NCAM1: variants seen among roughly 807,000 people sequenced by gnomAD.
NCAM1 encodes the protein neural cell adhesion molecule 1, also known as antigen recognized by monoclonal antibody 5.1H11.
A neutral mutation model predicts 109.8 loss-of-function variants in NCAM1; 14 were observed. The observed-to-expected ratio is 0.13, with a 90% CI of 0.08 to 0.20. The LOEUF (loss-of-function observed/expected upper bound fraction) is 0.20. NCAM1 is among the 10% of genes least tolerant of loss of function. The probability of loss-of-function intolerance (pLI) is 1.00; values close to 1 mark genes in which losing one functional copy is unlikely to be tolerated. For missense variants in NCAM1, 774 were observed against 1,109.9 expected, an observed-to-expected ratio of 0.70 and a Z score of 4.30; for synonymous variants, 418 against 442.9, an observed-to-expected ratio of 0.94 and a Z score of 0.70.
At chr11:113,140,170 CACA>C (rs1404548112) in intron 1 of NCAM1, among the ~76,000 whole-genome samples, 1 of 152,212 alleles carries the variant, frequency 6.6e-6, no homozygotes, top group Non-Finnish European at 1.5e-5. Context: ...CTGCCATGTA[CACA>C]ACAAGCTGAG....
chr11:113,201,444 C>T (rs552378936), intron 1 of NCAM1, among the ~76,000 whole-genome samples: 1 of 152,258 alleles, frequency 6.6e-6, no homozygotes, highest in South Asian at 2.1e-4. Context: ...ACCTGTTTGC[C>T]TTTAGATTTG....
intron 1 of NCAM1, among the ~76,000 whole-genome samples, chr11:113,162,814 T>C (rs1942645508): frequency 6.6e-6 from 1 of 152,142 alleles, no homozygotes; most frequent in Admixed American, 6.5e-5. Flanking sequence ...AGACGCGATC[T>C]CATTAACGAT....
At chr11:113,094,285 G>A (rs575222041) in intron 1 of NCAM1, among the ~76,000 whole-genome samples, 4 of 152,248 alleles carry the variant, frequency 2.6e-5, no homozygotes, top group East Asian at 3.9e-4. Flanking sequence ...ACATTCTATC[G>A]TTTGGCACCA....
rs116863221 is a variant in NCAM1, at chr11:112,970,169, C to T, written c.52+8505C>T. 2.2e-3 allele frequency among the ~76,000 whole-genome samples: 341 copies of T among 152,156 alleles called. 3 individuals carry two copies. Among genetic ancestry groups the T allele is most frequent in the Middle Eastern group, 0.01 (3 of 294 alleles). On this transcript the variant is annotated intron_variant, in intron 1 of 19. Transcript: ENST00000316851. Reference sequence around the variant, plus strand: ...AAATGTCAGACAAAGGAGAGGAGTCCTGCTGGAGATGACAGAGAAATTAAA... The same window carrying T: ...AAATGTCAGACAAAGGAGAGGAGTCTTGCTGGAGATGACAGAGAAATTAAA...
intron 1 of NCAM1, chr11:112,977,492 A>T (rs1591206723): frequency 6.6e-6 from 1 of 151,976 alleles, no homozygotes; most frequent in Non-Finnish European, 1.5e-5. Flanking sequence ...ATGCCAGAAA[A>T]TCATTCACTA....
At chr11:113,031,351 C>T (rs568615098) in intron 1 of NCAM1, among the ~76,000 whole-genome samples, 12 of 152,210 alleles carry the variant, frequency 7.9e-5, no homozygotes, top group Admixed American at 2.6e-4. Context: ...TTTTAAACAG[C>T]GACATCACCG....
chr11:113,218,944 A>G (rs1349285795), intron 8 of NCAM1, among the ~76,000 whole-genome samples: 4 of 152,222 alleles, frequency 2.6e-5, no homozygotes, highest in African/African-American at 9.7e-5. Context: ...TTCCTTTTAA[A>G]TATTGCCAGG....
intron 1 of NCAM1, among the ~76,000 whole-genome samples, chr11:113,138,452 A>G (rs1420522922): frequency 1.3e-5 from 2 of 152,216 alleles, no homozygotes; most frequent in African/African-American, 4.8e-5. Flanking sequence ...AGTGCTTTCA[A>G]ATAGCAAACG....
At chr11:113,250,876 C>T (rs1555121154) in intron 15 of NCAM1, among the ~76,000 whole-genome samples, 1 of 152,232 alleles carries the variant, frequency 6.6e-6, no homozygotes, top group Non-Finnish European at 1.5e-5. Flanking sequence ...CTGCTCACTG[C>T]AACCTCCACC....
chr11:113,143,835 C>A (rs1046113993), intron 1 of NCAM1, among the ~76,000 whole-genome samples: 2 of 152,086 alleles, frequency 1.3e-5, no homozygotes, highest in Non-Finnish European at 2.9e-5. Context: ...GTCTTATTTG[C>A]GGCATGGCAT....
intron 1 of NCAM1, among the ~76,000 whole-genome samples, chr11:113,031,900 A>C (rs1170565186): frequency 2.0e-5 from 3 of 152,052 alleles, no homozygotes; most frequent in African/African-American, 7.2e-5. Flanking sequence ...GCAAATAATG[A>C]GGAATGACTT....
In NCAM1 at chr11:113,105,830, C is replaced by T. The variant is rs528999635; in HGVS notation, c.53-96549C>T. The stretch of plus-strand genomic sequence containing the variant: ...GATGAAAATGTTCTAAAATTAGTGG[C>T]GCTGGTTGCCCAACTCTGTGAATAT... On this transcript the variant is annotated intron_variant, in intron 1 of 19. Transcript: ENST00000316851. Among the ~76,000 whole-genome samples the T allele has an allele frequency of 7.2e-5, 11 of 152,178 alleles. No individual in the cohort carries two copies. In the South Asian group the frequency reaches 1.5e-3, roughly 20 times the overall value.
chr11:113,023,656 G>C (rs1226127632), intron 1 of NCAM1, among the ~76,000 whole-genome samples: 11 of 152,174 alleles, frequency 7.2e-5, no homozygotes, highest in African/African-American at 2.4e-4. Flanking sequence ...CTGTGTGTTT[G>C]TGTTTGTGTA....
intron 19 of NCAM1, 23 bp from the exon 20 acceptor site, chr11:113,275,244 T>C: frequency 6.2e-7 from 1 of 1,613,170 alleles, no homozygotes; most frequent in Non-Finnish European, 8.5e-7. Context: ...TCTCAGTGGT[T>C]CTGTTTTCCT....
At chr11:113,176,267 A>T (rs1407675324) in intron 1 of NCAM1, among the ~76,000 whole-genome samples, 2 of 152,236 alleles carry the variant, frequency 1.3e-5, no homozygotes, top group Admixed American at 6.5e-5. Context: ...AAGGACAAGC[A>T]TGGCCTCTTG....
chr11:112,964,332 A>G (rs1950673407), intron 1 of NCAM1, among the ~76,000 whole-genome samples: 3 of 152,136 alleles, frequency 2.0e-5, no homozygotes, highest in Admixed American at 2.0e-4. Flanking sequence ...AATACAATGA[A>G]AGGTTGTGCA....
At chr11:113,185,683 G>A (rs1199636082) in intron 1 of NCAM1, among the ~76,000 whole-genome samples, 1 of 152,190 alleles carries the variant, frequency 6.6e-6, no homozygotes, top group African/African-American at 2.4e-5. Context: ...AACAACATTA[G>A]AATGATTGTA....
At chr11:113,112,523 C>T (rs782548137) in intron 1 of NCAM1, among the ~76,000 whole-genome samples, 1 of 152,248 alleles carries the variant, frequency 6.6e-6, no homozygotes, top group East Asian at 1.9e-4. Flanking sequence ...ATGAAGTCAC[C>T]GTGCCACCGT....
intron 1 of NCAM1, among the ~76,000 whole-genome samples, chr11:113,195,964 T>C (rs974198519): frequency 4.6e-5 from 7 of 151,890 alleles, no homozygotes; most frequent in Non-Finnish European, 1.0e-4. Flanking sequence ...TCATATGTAC[T>C]GTCATTTAAA....
Sources: allele counts gnomAD v4.1 joint callset (sites outside exome capture counted in the v4.1 genomes callset), GRCh38; gene constraint gnomAD v4.1.1; transcripts MANE v1.5; gene names NCBI Gene and HGNC (gene_info 2026-07-23, HGNC 2026-07-21).